The following SLC14A2 variants were observed in gnomAD, a reference collection of about 807,000 sequenced individuals.
The protein encoded by SLC14A2 is solute carrier family 14 member 2.
Under a neutral mutation model 104.6 loss-of-function variants are expected in SLC14A2, and 91 were observed. The observed-to-expected ratio is 0.87, with a 90% CI of 0.73 to 1.04. SLC14A2 has a LOEUF of 1.04. SLC14A2 is among the 50% of genes least tolerant of loss of function. The pLI is 0.00. For missense variants in SLC14A2, 1,189 were observed against 1,156.0 expected, an observed-to-expected ratio of 1.03 and a Z score of -0.41; for synonymous variants, 476 against 466.4, an observed-to-expected ratio of 1.02 and a Z score of -0.27.
At chr18:45,370,980 A>G (rs1478704142) in intron 1 of SLC14A2, among the ~76,000 whole-genome samples, 1 of 152,180 alleles carries the variant, frequency 6.6e-6, no homozygotes, top group Non-Finnish European at 1.5e-5. Flanking sequence ...TGGGAGCAAG[A>G]TCCGATTGCC....
chr18:45,170,360 G>A, the SLC14A2 span, among the ~76,000 whole-genome samples: 2 of 152,140 alleles, frequency 1.3e-5, 1 homozygote, highest in African/African-American at 4.8e-5. Flanking sequence ...AGTAATCTGT[G>A]GAAGGAGGTA....
Position 45,471,753 on chromosome 18 carries a change from C to G in SLC14A2, c.-124-11480C>G, listed in dbSNP as rs187501171. On this transcript the variant is annotated intron_variant, in intron 1 of 20. Coordinates refer to the SLC14A2 transcript ENST00000586448. Reference sequence around the variant, plus strand: ...CTCTTTTTTTCTCCTTTACAACTTTCCTGAGCTCTGCTAGCTCATTTTTTG... The same window carrying G: ...CTCTTTTTTTCTCCTTTACAACTTTGCTGAGCTCTGCTAGCTCATTTTTTG... Among the ~76,000 whole-genome samples the G allele has an allele frequency of 5.8e-4, 89 of 152,190 alleles. 1 individual carries two copies. In the South Asian group the frequency reaches 0.018, roughly 30 times the overall value.
chr18:45,347,008 T>TAAATAAATAAAC lies in SLC14A2; in HGVS notation c.-125+133820_-125+133821insTAAATAAACAAA, dbSNP rs1423862466. On this transcript the variant is annotated intron_variant, in intron 1 of 20. Coordinates refer to the SLC14A2 transcript ENST00000586448. ...ATAAATAAATAAATAAATAAATAAA[T>TAAATAAATAAAC]AAACAAACAAACAAATCAGGCCTAC... Among the ~76,000 whole-genome samples the TAAATAAATAAAC allele has an allele frequency of 2.8e-4, 35 of 126,076 alleles. 1 individual carries two copies. Among genetic ancestry groups the TAAATAAATAAAC allele is most frequent in the African/African-American group, 1.0e-3 (30 of 28,918 alleles). 82.7% of individuals were successfully genotyped at this position (126,076 alleles called of 152,430 possible).
chr18:45,593,868 G>T (rs993710833), intron 2 of SLC14A2, among the ~76,000 whole-genome samples: 1 of 152,028 alleles, frequency 6.6e-6, no homozygotes, highest in South Asian at 2.1e-4. Context: ...TCTAGTATTC[G>T]AGCTAAGTAA....
chr18:45,361,943 A>G (rs1032816611), intron 1 of SLC14A2, among the ~76,000 whole-genome samples: 15 of 152,196 alleles, frequency 9.9e-5, no homozygotes, highest in African/African-American at 2.7e-4. Context: ...GCTTTAGACT[A>G]TGAATCACTG....
At chr18:45,573,212 G>T (rs1453177055) in intron 2 of SLC14A2, among the ~76,000 whole-genome samples, 2 of 152,172 alleles carry the variant, frequency 1.3e-5, no homozygotes, top group Admixed American at 6.5e-5. Flanking sequence ...TGATAGGTCT[G>T]GACTGGGTCC....
intron 16 of SLC14A2, among the ~76,000 whole-genome samples, chr18:45,671,136 G>T (rs2046127535): frequency 5.9e-5 from 9 of 152,060 alleles, no homozygotes; most frequent in Admixed American, 5.9e-4. Context: ...CATGCTATGG[G>T]GAAATGATGT....
chr18:45,375,753 A>G (rs1030179542), intron 1 of SLC14A2, among the ~76,000 whole-genome samples: 1 of 152,220 alleles, frequency 6.6e-6, no homozygotes, highest in African/African-American at 2.4e-5. Context: ...GAGGAATTGC[A>G]GGACAGGCTC....
chr18:45,362,026 A>ACC (rs1568167453), intron 1 of SLC14A2, among the ~76,000 whole-genome samples: 1 of 152,086 alleles, frequency 6.6e-6, no homozygotes, highest in Non-Finnish European at 1.5e-5. Context: ...CAAGGGAGGG[A>ACC]CCTGGTGGGA....
chr18:45,646,729 G>A (rs1016227250), intron 10 of SLC14A2: 1 of 150,820 alleles, frequency 6.6e-6, no homozygotes, highest in Non-Finnish European at 1.5e-5. Context: ...GAGTGATCTT[G>A]TCCCACCTTC....
chr18:45,199,539 T>C, the SLC14A2 span, among the ~76,000 whole-genome samples: 2 of 152,332 alleles, frequency 1.3e-5, no homozygotes, highest in South Asian at 2.1e-4. Flanking sequence ...CTTCCATCTA[T>C]AATTTCTTTG....
At chr18:45,260,439 ACT>A (rs1265851415) in intron 1 of SLC14A2, among the ~76,000 whole-genome samples, 3 of 152,180 alleles carry the variant, frequency 2.0e-5, no homozygotes, top group Admixed American at 6.5e-5. Context: ...AAAACTTCAC[ACT>A]CAGTAACCCT....
intron 1 of SLC14A2, among the ~76,000 whole-genome samples, chr18:45,363,837 G>C (rs1373141199): frequency 2.9e-5 from 4 of 137,150 alleles, no homozygotes; most frequent in African/African-American, 1.3e-4. Flanking sequence ...TGGGGATGGG[G>C]GAAAGTCACC....
chr18:45,273,210 G>A (rs1406845658), intron 1 of SLC14A2, among the ~76,000 whole-genome samples: 5 of 152,134 alleles, frequency 3.3e-5, no homozygotes. Flanking sequence ...CATTGAAGAA[G>A]TAAAATGACC....
chr18:45,330,885 C>A (rs762459614), intron 1 of SLC14A2, among the ~76,000 whole-genome samples: 1 of 152,200 alleles, frequency 6.6e-6, no homozygotes, highest in Admixed American at 6.5e-5. Flanking sequence ...ATAATCTCTG[C>A]CTTCTTGAAT....
the SLC14A2 span, among the ~76,000 whole-genome samples, chr18:45,189,021 T>C: frequency 6.6e-6 from 1 of 152,200 alleles, no homozygotes; most frequent in Non-Finnish European, 1.5e-5. Flanking sequence ...GTGTGCTAGT[T>C]TGTTACATGC....
chr18:45,228,706 C>A (rs768814146), intron 1 of SLC14A2, among the ~76,000 whole-genome samples: 1 of 152,128 alleles, frequency 6.6e-6, no homozygotes, highest in Non-Finnish European at 1.5e-5. Context: ...TGAACTCTTC[C>A]CTGGCATCAG....
intron 1 of SLC14A2, among the ~76,000 whole-genome samples, chr18:45,344,552 G>A (rs1288028142): frequency 6.6e-6 from 1 of 152,148 alleles, no homozygotes; most frequent in African/African-American, 2.4e-5. Context: ...TTAGAGCAGG[G>A]TCTAGAAGGG....
Position 45,421,863 on chromosome 18 carries a change from A to C in SLC14A2, c.-124-61370A>C, listed in dbSNP as rs192081993. ...TCAGCCACTAATCCAACGCTGAATG[A>C]TCATGCCTGGACAAAAGTGCATCAG... On this transcript the variant is annotated intron_variant, in intron 1 of 20. Coordinates refer to the SLC14A2 transcript ENST00000586448. 1.8e-4 allele frequency among the ~76,000 whole-genome samples: 28 copies of C among 152,328 alleles called. 1 individual carries two copies. The East Asian group carries it at 5.2e-3, about 28-fold the overall frequency.
Sources: gnomAD v4.1 joint callset for allele counts (sites outside exome capture counted in the v4.1 genomes callset) on GRCh38, gnomAD v4.1.1 for gene constraint, MANE v1.5 for transcripts, NCBI Gene and HGNC (gene_info 2026-07-23, HGNC 2026-07-21) for gene names.